The following SGCZ variants were observed in gnomAD, a reference collection of about 807,000 sequenced individuals.
SGCZ encodes sarcoglycan zeta.
A neutral mutation model predicts 41.3 loss-of-function variants in SGCZ; 40 were observed. The observed-to-expected ratio is 0.97, with a 90% CI of 0.75 to 1.26. The LOEUF (loss-of-function observed/expected upper bound fraction) is 1.26, where lower values mean the gene tolerates loss of function less well. SGCZ is among the 50% of genes most tolerant of loss of function. SGCZ has a pLI of 0.00. For synonymous variants in SGCZ, 206 were observed against 137.5 expected (o/e 1.50, Z -3.49); for missense variants, 552 against 369.8 (o/e 1.49, Z -4.04).
intron 1 of SGCZ, among the ~76,000 whole-genome samples, chr8:15,087,204 G>C (rs1805981531): frequency 6.6e-6 from 1 of 151,974 alleles, no homozygotes; most frequent in Non-Finnish European, 1.5e-5. Flanking sequence ...CTACAAAATT[G>C]TCAACTCATG....
At chr8:14,877,558 C>T (rs1026823987) in intron 1 of SGCZ, among the ~76,000 whole-genome samples, 2 of 151,996 alleles carry the variant, frequency 1.3e-5, no homozygotes, top group African/African-American at 2.4e-5. Flanking sequence ...CACTTGTCAT[C>T]TAAGCATAGA....
intron 1 of SGCZ, among the ~76,000 whole-genome samples, chr8:14,955,675 T>C (rs965345804): frequency 5.3e-5 from 8 of 152,228 alleles, no homozygotes; most frequent in African/African-American, 1.9e-4. Flanking sequence ...AATTGACATG[T>C]AGATTTTCAC....
intron 1 of SGCZ, among the ~76,000 whole-genome samples, chr8:14,891,874 C>G (rs564472588): frequency 3.3e-5 from 5 of 152,316 alleles, no homozygotes; most frequent in Admixed American, 6.5e-5. Context: ...AAAAATATTA[C>G]AGCTCACTGA....
chr8:15,052,090 G>C (rs1804535228), intron 1 of SGCZ, among the ~76,000 whole-genome samples: 1 of 152,118 alleles, frequency 6.6e-6, no homozygotes, highest in Non-Finnish European at 1.5e-5. Context: ...AGAAAAGCAT[G>C]GTTTGAGTTG....
At chr8:14,585,351 A>C (rs1805023324) in intron 1 of SGCZ, among the ~76,000 whole-genome samples, 1 of 152,170 alleles carries the variant, frequency 6.6e-6, no homozygotes, top group Non-Finnish European at 1.5e-5. Context: ...TTGGATGAAG[A>C]AAATTTCATA....
chr8:14,672,211 T>C (rs1563193070), intron 1 of SGCZ, among the ~76,000 whole-genome samples: 1 of 152,184 alleles, frequency 6.6e-6, no homozygotes, highest in Admixed American at 6.5e-5. Flanking sequence ...TATGACCACA[T>C]TTTGAAAGCT....
chr8:15,054,093 C>A (rs555136865), intron 1 of SGCZ, among the ~76,000 whole-genome samples: 21 of 152,282 alleles, frequency 1.4e-4, no homozygotes, highest in African/African-American at 4.3e-4. Flanking sequence ...AATAACTAGG[C>A]AAAATGACAT....
chr8:14,232,547 T>C (rs1405034833), intron 4 of SGCZ, among the ~76,000 whole-genome samples: 1 of 152,024 alleles, frequency 6.6e-6, no homozygotes, highest in Non-Finnish European at 1.5e-5. Flanking sequence ...AATTAAAGAT[T>C]ATAATTAAGA....
intron 1 of SGCZ, among the ~76,000 whole-genome samples, chr8:14,848,555 C>T (rs765450475): frequency 2.0e-5 from 3 of 152,072 alleles, no homozygotes; most frequent in Non-Finnish European, 2.9e-5. Context: ...GACCCACACA[C>T]GTATGGAAAT....
At chr8:15,233,499 T>C (rs1176927190) in intron 1 of SGCZ, among the ~76,000 whole-genome samples, 9 of 152,072 alleles carry the variant, frequency 5.9e-5, no homozygotes, top group African/African-American at 2.2e-4. Flanking sequence ...TATTATCATT[T>C]CTCACCCATA....
intron 1 of SGCZ, among the ~76,000 whole-genome samples, chr8:14,593,601 TGTAA>T (rs1322670234): frequency 6.6e-6 from 1 of 152,182 alleles, no homozygotes; most frequent in African/African-American, 2.4e-5. Context: ...GTGGTGAAGG[TGTAA>T]GTGTTTCCAA....
intron 6 of SGCZ, among the ~76,000 whole-genome samples, chr8:14,107,202 C>G (rs759550235): frequency 4.7e-5 from 7 of 149,484 alleles, no homozygotes; most frequent in Admixed American, 2.7e-4. Context: ...GGTGACAGAA[C>G]GAGACTCCAT....
At chr8:14,816,556 T>C (rs1490467076) in intron 1 of SGCZ, among the ~76,000 whole-genome samples, 2 of 152,174 alleles carry the variant, frequency 1.3e-5, no homozygotes, top group Admixed American at 6.5e-5. Flanking sequence ...AAGCATACAA[T>C]GGAATGATGT....
chr8:14,820,800 G>A (rs933042292), intron 1 of SGCZ, among the ~76,000 whole-genome samples: 2 of 150,416 alleles, frequency 1.3e-5, no homozygotes, highest in Admixed American at 1.3e-4. Flanking sequence ...AACAAAAAGG[G>A]AAACAACAAA....
chr8:14,650,750 G>A (rs1563179437), intron 1 of SGCZ, among the ~76,000 whole-genome samples: 2 of 152,032 alleles, frequency 1.3e-5, no homozygotes, highest in African/African-American at 2.4e-5. Context: ...GCAATGCAAA[G>A]AAAGCTGTTT....
At chr8:15,164,690 T>A (rs1365397272) in intron 1 of SGCZ, among the ~76,000 whole-genome samples, 1 of 150,412 alleles carries the variant, frequency 6.6e-6, no homozygotes, top group Non-Finnish European at 1.5e-5. Context: ...TCCCCAACTA[T>A]CACTGTTGAT....
At chr8:14,321,283 T>A (rs1157584131) in intron 3 of SGCZ, among the ~76,000 whole-genome samples, 1 of 148,688 alleles carries the variant, frequency 6.7e-6, no homozygotes, top group African/African-American at 2.6e-5. Flanking sequence ...TTCTGTTTAC[T>A]TTTTTTGCTG....
intron 1 of SGCZ, among the ~76,000 whole-genome samples, chr8:15,111,801 G>A (rs1807069945): frequency 6.6e-6 from 1 of 151,790 alleles, no homozygotes; most frequent in Admixed American, 6.6e-5. Context: ...TTGGGAGGCT[G>A]AGGCAGAAGA....
At chr8:14,516,797 T>C (rs1467551595) in intron 2 of SGCZ, among the ~76,000 whole-genome samples, 1 of 152,112 alleles carries the variant, frequency 6.6e-6, no homozygotes, top group African/African-American at 2.4e-5. Context: ...CCAGAAGTAC[T>C]GACACTGAGT....
Sources: gnomAD v4.1 joint callset for allele counts (sites outside exome capture counted in the v4.1 genomes callset) on GRCh38, gnomAD v4.1.1 for gene constraint, MANE v1.5 for transcripts, NCBI Gene and HGNC (gene_info 2026-07-23, HGNC 2026-07-21) for gene names.